Variants in SLCO1B1 observed in about 807,000 individuals in gnomAD.
SLCO1B1 encodes the protein OATP-2.
In SLCO1B1, 81 loss-of-function variants were observed where a neutral mutation model predicts 70.1. That is an observed-to-expected ratio of 1.16 (90% CI 0.97 to 1.39). SLCO1B1 has a LOEUF of 1.39. SLCO1B1 is among the 40% of genes most tolerant of loss of function. The pLI, the probability that SLCO1B1 is intolerant of heterozygous loss-of-function variation, is 0.00. For synonymous variants in SLCO1B1, 283 were observed against 271.5 expected (o/e 1.04, Z -0.42); for missense variants, 895 against 799.6 (o/e 1.12, Z -1.44).
At chr12:21,143,724 A>G (rs1328045253) in intron 2 of SLCO1B1, among the ~76,000 whole-genome samples, 1 of 152,168 alleles carries the variant, frequency 6.6e-6, no homozygotes, top group South Asian at 2.1e-4. Context: ...GCTAAAATAA[A>G]TGTGGATTTT....
intron 11 of SLCO1B1, 34 bp downstream of exon 11, chr12:21,206,067 C>CA: frequency 6.4e-7 from 1 of 1,559,076 alleles, no homozygotes; most frequent in East Asian, 2.2e-5. Flanking sequence ...TCTCCTTATT[C>CA]AAAAGCACAG....
intron 2 of SLCO1B1, among the ~76,000 whole-genome samples, chr12:21,153,828 T>G (rs753842492): frequency 6.6e-6 from 1 of 152,014 alleles, no homozygotes; most frequent in Admixed American, 6.6e-5. Context: ...TTAATGATGT[T>G]TCTATGTCTA....
intron 2 of SLCO1B1, among the ~76,000 whole-genome samples, chr12:21,143,873 A>T (rs1940346954): frequency 6.6e-6 from 1 of 152,094 alleles, no homozygotes; most frequent in Non-Finnish European, 1.5e-5. Context: ...GGATTCTAAC[A>T]CTTGCTAACA....
At chr12:21,160,003 T>G (rs1415064954) in intron 2 of SLCO1B1, among the ~76,000 whole-genome samples, 1 of 149,690 alleles carries the variant, frequency 6.7e-6, no homozygotes, top group Non-Finnish European at 1.5e-5. Context: ...AACATGCTTA[T>G]AGATAGGAAG....
rs1282655684 is a variant in SLCO1B1 at position 21,224,751 on chromosome 12, G to A, written c.1777G>A (p.Ala593Thr). The A allele has an allele frequency of 1.9e-6, 3 of 1,611,202 alleles. No individual in the cohort carries two copies. The highest frequency in any genetic ancestry group is 1.1e-5 in the South Asian group (1 of 90,908). Residue 593 changes from alanine to threonine, a missense_variant, in exon 14 of 15, where the codon GCT (alanine) becomes ACT (threonine). Transcript: ENST00000256958. ...GGILAPIYFG[A>T]LIDTTCIKWS... ...AATTCTAGCTCCAATATATTTTGGG[G>A]CTCTGATTGATACAACGTGTATAAA...
chr12:21,178,846 T>C (rs919138011), intron 6 of SLCO1B1, 76 bp from the exon 7 acceptor site: 1 of 1,377,128 alleles, frequency 7.3e-7, no homozygotes, highest in Non-Finnish European at 1.0e-6. Context: ...TATTGTATCA[T>C]ATTTCTTTTA....
intron 2 of SLCO1B1, among the ~76,000 whole-genome samples, chr12:21,143,232 G>C (rs1940335587): frequency 6.6e-6 from 1 of 151,644 alleles, no homozygotes. Flanking sequence ...TTAAATAAAG[G>C]GTATTTTAAT....
At chr12:21,188,024 T>G (rs1290465231) in intron 7 of SLCO1B1, among the ~76,000 whole-genome samples, 1 of 152,268 alleles carries the variant, frequency 6.6e-6, no homozygotes, top group Middle Eastern at 3.4e-3. Flanking sequence ...TTCAAGACTG[T>G]TTTTGGCTTC....
chr12:21,140,730 T>TA (rs1355830702), intron 1 of SLCO1B1, among the ~76,000 whole-genome samples: 6 of 152,036 alleles, frequency 3.9e-5, no homozygotes, highest in Non-Finnish European at 8.8e-5. Context: ...GAATGATGTT[T>TA]AAGGTATGCT....
rs187202054 is a variant in SLCO1B1 at position 21,170,852 on chromosome 12, G to A, written c.85-1798G>A. ...GAAAGGAACACACCCACATTTTGTC[G>A]GCTATCAAAGAGTTTTGTTGGGCCT... On this transcript the variant is annotated intron_variant, in intron 2 of 14. Coordinates refer to ENST00000256958, the MANE Select transcript of SLCO1B1 (RefSeq NM_006446.5). Among the ~76,000 whole-genome samples, 559 of 152,128 alleles carry A rather than the reference G, an allele frequency of 3.7e-3. 11 individuals are homozygous for A. The highest frequency in any genetic ancestry group is 0.032 in the Admixed American group (487 of 15,268).
At chr12:21,137,870 A>G (rs1188688064) in intron 1 of SLCO1B1, among the ~76,000 whole-genome samples, 1 of 152,138 alleles carries the variant, frequency 6.6e-6, no homozygotes, top group Non-Finnish European at 1.5e-5. Context: ...GGCACTCCCC[A>G]GTGAGATGAA....
intron 2 of SLCO1B1, among the ~76,000 whole-genome samples, chr12:21,145,509 G>T (rs1940370869): frequency 1.9e-5 from 2 of 107,188 alleles, no homozygotes; most frequent in Admixed American, 1.3e-4. Context: ...TAGTAGAGAT[G>T]AGGTCTTACC....
At position 21,239,004 on chromosome 12, in the gene SLCO1B1, A is replaced by G. The variant is rs759981121; in HGVS notation, c.1891A>G (p.Met631Val). The change falls in exon 15 of 15, where the codon ATG (methionine) becomes GTG (valine). Residue 631 changes from methionine to valine, a missense_variant. By Grantham distance (21) the Met-to-Val change is conservative. Coordinates refer to ENST00000256958, the MANE Select transcript of SLCO1B1 (RefSeq NM_006446.5). ...AAGGGTCTACTTGGGCTTGTCTTCA[A>G]TGTTAAGAGTCTCATCACTTGTTTT... is the stretch of plus-strand genomic sequence containing the variant. ...FSRVYLGLSS[M>V]LRVSSLVLYI... 6.3e-6 allele frequency: 10 copies of G among 1,580,408 alleles called. No individual in the cohort carries two copies. The highest frequency in any genetic ancestry group is 8.7e-6 in the Non-Finnish European group (10 of 1,152,246).
At chr12:21,198,186 T>G (rs1225194431) in intron 8 of SLCO1B1, among the ~76,000 whole-genome samples, 1 of 152,050 alleles carries the variant, frequency 6.6e-6, no homozygotes, top group Non-Finnish European at 1.5e-5. Context: ...CCAAGAGCAG[T>G]GGTGTTCTGG....
chr12:21,200,588 A>G lies in SLCO1B1; in HGVS notation c.1051A>G (p.Ser351Gly), dbSNP rs1286482633. Residue 351 changes from serine (S) to glycine (G), a missense_variant, in exon 9 of 15, where the codon AGC becomes GGC. Physicochemically the swap from Ser to Gly is moderately conservative, Grantham distance 56 (BLOSUM62 0). Transcript: ENST00000256958. ...GCTTTTGACGTTGTTACAAGTAAGC[A>G]GCTATATTGGTGCTTTTACTTATGT... ...FVLLTLLQVS[S>G]YIGAFTYVFK... The G allele has an allele frequency of 1.2e-6, 2 of 1,611,418 alleles. No homozygotes were observed. Among genetic ancestry groups the G allele is most frequent in the African/African-American group, 2.7e-5 (2 of 74,870 alleles).
chr12:21,160,937 A>C (rs1940610185), intron 2 of SLCO1B1, among the ~76,000 whole-genome samples: 1 of 152,240 alleles, frequency 6.6e-6, no homozygotes, highest in African/African-American at 2.4e-5. Flanking sequence ...CATTAGAGAA[A>C]TTCAAATCAA....
At chr12:21,147,876 G>A (rs1426992638) in intron 2 of SLCO1B1, among the ~76,000 whole-genome samples, 1 of 152,136 alleles carries the variant, frequency 6.6e-6, no homozygotes, top group Non-Finnish European at 1.5e-5. Flanking sequence ...AGCATCTGTT[G>A]TTTCCTGACT....
At chr12:21,235,251 G>T (rs1941585096) in intron 14 of SLCO1B1, among the ~76,000 whole-genome samples, 1 of 151,340 alleles carries the variant, frequency 6.6e-6, no homozygotes, top group Admixed American at 6.6e-5. Flanking sequence ...TATATATTTA[G>T]ATTAGTTAAA....
intron 11 of SLCO1B1, among the ~76,000 whole-genome samples, chr12:21,214,019 T>A (rs368095729): frequency 1.3e-5 from 2 of 152,188 alleles, no homozygotes; most frequent in South Asian, 2.1e-4. Context: ...AATGTCCTCC[T>A]GTAGCTCAGA....
Sources: allele counts gnomAD v4.1 joint callset (sites outside exome capture counted in the v4.1 genomes callset), GRCh38; gene constraint gnomAD v4.1.1; transcripts MANE v1.5; gene names NCBI Gene and HGNC (gene_info 2026-07-23, HGNC 2026-07-21).